Variants in DPP6 observed in about 807,000 individuals in gnomAD.
The protein encoded by DPP6 is dipeptidyl peptidase like 6.
Under a neutral mutation model 122.6 loss-of-function variants are expected in DPP6, and 69 were observed. The observed-to-expected ratio is 0.56, with a 90% CI of 0.46 to 0.69. The LOEUF is 0.69. Among genes scored for constraint, DPP6 ranks in the 30% least tolerant of loss-of-function variants. The pLI is 0.00. For synonymous variants in DPP6, 418 were observed against 433.1 expected (o/e 0.97, Z 0.43); for missense variants, 928 against 1,116.9 (o/e 0.83, Z 2.41).
intron 1 of DPP6, among the ~76,000 whole-genome samples, chr7:153,979,511 C>T (rs1200762852): frequency 1.3e-5 from 2 of 152,248 alleles, no homozygotes; most frequent in African/African-American, 4.8e-5. Flanking sequence ...TTGACTTCCT[C>T]TCTTCCTAAT....
chr7:153,987,016 G>C (rs1796880547), intron 1 of DPP6, among the ~76,000 whole-genome samples: 1 of 152,176 alleles, frequency 6.6e-6, no homozygotes, highest in Non-Finnish European at 1.5e-5. Context: ...GGTTAGTTCG[G>C]TTTGGTTTGA....
chr7:153,812,247 G>C, the DPP6 span, among the ~76,000 whole-genome samples: 13 of 152,194 alleles, frequency 8.5e-5, no homozygotes, highest in South Asian at 1.5e-3. Flanking sequence ...TCTTAGGCCT[G>C]TGTTTGTCTA....
At chr7:154,679,826 C>T (rs1363259927) in intron 7 of DPP6, among the ~76,000 whole-genome samples, 1 of 152,156 alleles carries the variant, frequency 6.6e-6, no homozygotes, top group Non-Finnish European at 1.5e-5. Flanking sequence ...TGGAAATGGC[C>T]TTCTGTACCC....
At chr7:153,871,214 G>T in the DPP6 span, among the ~76,000 whole-genome samples, 87 of 152,364 alleles carry the variant, frequency 5.7e-4, no homozygotes, top group African/African-American at 2.0e-3. Flanking sequence ...AGAGGTTACT[G>T]TTGCCTTTTG....
chr7:154,370,303 G>A (rs900652740), intron 1 of DPP6, among the ~76,000 whole-genome samples: 12 of 150,494 alleles, frequency 8.0e-5, no homozygotes, highest in African/African-American at 2.9e-4. Context: ...ATTTAATAGG[G>A]ACTCTTTGAT....
At chr7:154,246,574 A>G (rs1801998837) in intron 1 of DPP6, among the ~76,000 whole-genome samples, 1 of 152,230 alleles carries the variant, frequency 6.6e-6, no homozygotes, top group Non-Finnish European at 1.5e-5. Flanking sequence ...ATCCTAGAAT[A>G]GCTGAAACAG....
chr7:153,820,308 C>T, the DPP6 span, among the ~76,000 whole-genome samples: 1 of 152,302 alleles, frequency 6.6e-6, no homozygotes, highest in South Asian at 2.1e-4. Flanking sequence ...GGGTACATTA[C>T]TTAAGGTTCT....
intron 1 of DPP6, among the ~76,000 whole-genome samples, chr7:154,035,422 G>A (rs1799469221): frequency 6.6e-6 from 1 of 152,144 alleles, no homozygotes; most frequent in Non-Finnish European, 1.5e-5. Context: ...CTATTCATTA[G>A]AGATAATGAA....
At chr7:153,770,387 A>G in the DPP6 span, among the ~76,000 whole-genome samples, 1 of 152,164 alleles carries the variant, frequency 6.6e-6, no homozygotes, top group Non-Finnish European at 1.5e-5. Context: ...AAAGAAGAAC[A>G]AAGAACAAAG....
the DPP6 span, among the ~76,000 whole-genome samples, chr7:153,858,691 A>G: frequency 6.6e-5 from 10 of 152,200 alleles, no homozygotes; most frequent in African/African-American, 2.2e-4. Context: ...AACTCTCCAC[A>G]TGCTGCTTCA....
the DPP6 span, among the ~76,000 whole-genome samples, chr7:153,773,985 CAT>C: frequency 6.6e-6 from 1 of 151,146 alleles, no homozygotes; most frequent in African/African-American, 2.4e-5. Context: ...AAATAAAAGA[CAT>C]AAATTTAAAA....
chr7:153,787,724 T>C, the DPP6 span, among the ~76,000 whole-genome samples: 1 of 151,026 alleles, frequency 6.6e-6, no homozygotes, highest in Admixed American at 6.6e-5. Context: ...GAGTCATGAC[T>C]TCAGTCTCGG....
chr7:154,205,662 T>C (rs1043346542), intron 1 of DPP6, among the ~76,000 whole-genome samples: 4 of 151,900 alleles, frequency 2.6e-5, no homozygotes, highest in Admixed American at 1.3e-4. Context: ...CAGCCTGAGC[T>C]CACAGCAGAG....
At position 154,085,344 on chromosome 7, in the gene DPP6, C is replaced by T. The variant is rs187890804; in HGVS notation, c.243+32281C>T. 1.9e-3 allele frequency among the ~76,000 whole-genome samples: 287 copies of T among 152,292 alleles called. 2 individuals carry two copies. The highest frequency in any genetic ancestry group is 6.4e-3 in the African/African-American group (268 of 41,564). On this transcript the variant is annotated intron_variant, in intron 1 of 25. Transcript: ENST00000377770. ...ATATCTACCTCATCTGAACTGAAAA[C>T]TCTCTTGCCTCTTGTACTCAATTGG...
chr7:154,669,300 A>G lies in DPP6; in HGVS notation c.681-60A>G. The G allele has an allele frequency of 1.9e-6, 3 of 1,551,282 alleles. No individual in the cohort carries two copies. In the South Asian group the frequency reaches 3.6e-5, roughly 18 times the overall value. ...TATAGGTAGGGGATAAAATTGCAGC[A>G]GCTTAAATTCTTGGTTCCCAACATT... On this transcript the variant is annotated intron_variant, in intron 6 of 25. Transcript: ENST00000377770.
At chr7:154,885,825 C>A in intron 22 of DPP6, 81 bp downstream of exon 22, 1 of 1,523,334 alleles carries the variant, frequency 6.6e-7, no homozygotes, top group Non-Finnish European at 8.8e-7. Flanking sequence ...CACAGCCCTC[C>A]CTTCAGCACC....
chr7:154,386,326 C>CT (rs1199521637), intron 1 of DPP6, among the ~76,000 whole-genome samples: 1 of 151,970 alleles, frequency 6.6e-6, no homozygotes, highest in East Asian at 1.9e-4. Context: ...ATGCTTCTGT[C>CT]TGTCTTCTCC....
chr7:154,443,304 C>T (rs767942706), intron 1 of DPP6, among the ~76,000 whole-genome samples: 90 of 152,132 alleles, frequency 5.9e-4, no homozygotes, highest in Middle Eastern at 3.4e-3. Context: ...AGCTGATCTG[C>T]TTATTGTTTG....
At chr7:153,843,101 C>T in the DPP6 span, among the ~76,000 whole-genome samples, 1 of 151,926 alleles carries the variant, frequency 6.6e-6, no homozygotes, top group Non-Finnish European at 1.5e-5. Context: ...AGTGCATACA[C>T]ACACGAGTGC....
Sources: allele counts gnomAD v4.1 joint callset (sites outside exome capture counted in the v4.1 genomes callset), GRCh38; gene constraint gnomAD v4.1.1; transcripts MANE v1.5; gene names NCBI Gene and HGNC (gene_info 2026-07-23, HGNC 2026-07-21).